The following RNLS variants were observed in gnomAD, a reference collection of about 807,000 sequenced individuals.
RNLS encodes the protein renalase.
In RNLS, 39 loss-of-function variants were observed where a neutral mutation model predicts 39.8. The observed-to-expected ratio is 0.98, with a 90% CI of 0.76 to 1.28. The LOEUF (loss-of-function observed/expected upper bound fraction) is 1.28. Among genes scored for constraint, RNLS ranks in the 50% most tolerant of loss-of-function variants. The probability of loss-of-function intolerance (pLI) is 0.00; values close to 1 mark genes in which losing one functional copy is unlikely to be tolerated. For missense variants in RNLS, 410 were observed against 413.3 expected, an observed-to-expected ratio of 0.99 and a Z score of 0.07; for synonymous variants, 147 against 150.7, an observed-to-expected ratio of 0.98 and a Z score of 0.18.
intron 4 of RNLS, among the ~76,000 whole-genome samples, chr10:88,396,718 A>C (rs994414327): frequency 1.4e-5 from 2 of 144,372 alleles, no homozygotes; most frequent in Admixed American, 7.0e-5. Flanking sequence ...AAAAAAAAAA[A>C]CCTGATCCAA....
chr10:88,552,262 C>G (rs970210523), intron 4 of RNLS, among the ~76,000 whole-genome samples: 5 of 152,026 alleles, frequency 3.3e-5, no homozygotes, highest in Admixed American at 3.3e-4. Context: ...CAGAGGCTGC[C>G]CTAAAGCCAA....
intron 3 of RNLS, among the ~76,000 whole-genome samples, chr10:88,580,255 A>G (rs974072780): frequency 3.9e-5 from 6 of 152,030 alleles, no homozygotes; most frequent in Admixed American, 6.6e-5. Context: ...CACATACCCT[A>G]TTGGTTCTGT....
the RNLS span, among the ~76,000 whole-genome samples, chr10:88,231,639 T>C: frequency 6.6e-6 from 1 of 152,134 alleles, no homozygotes; most frequent in East Asian, 1.9e-4. Context: ...AAGGTGACCT[T>C]TGGGGACAGA....
chr10:88,388,020 T>C (rs1235403143), intron 4 of RNLS, among the ~76,000 whole-genome samples: 5 of 152,282 alleles, frequency 3.3e-5, no homozygotes, highest in African/African-American at 1.2e-4. Context: ...CTGAATATAT[T>C]TCCCTGGGGT....
In RNLS at chr10:88,285,174, A is replaced by C; in HGVS notation, c.*180T>G. 7.7e-7 allele frequency: 1 copy of C among 1,303,538 alleles called. No homozygotes were observed. Among genetic ancestry groups the C allele is most frequent in the Non-Finnish European group, 9.7e-7 (1 of 1,025,856 alleles). The allele number at this position is 1,303,538 out of a possible 1,614,324, so 80.7% of individuals were successfully genotyped here. ...GCAAGGTGTGAGGAATTTCCATTCTAGCATGGGTTGTAACTATCAAAATTA... is the reference window on the plus strand; with the variant it reads ...GCAAGGTGTGAGGAATTTCCATTCTCGCATGGGTTGTAACTATCAAAATTA... On this transcript the variant is annotated 3_prime_UTR_variant, in exon 7 of 7. Coordinates refer to ENST00000331772, the MANE Select transcript of RNLS (RefSeq NM_001031709.3).
intron 3 of RNLS, among the ~76,000 whole-genome samples, chr10:88,575,159 T>TATATATATAC (rs1386414416): frequency 6.9e-5 from 3 of 43,388 alleles, no homozygotes; most frequent in Non-Finnish European, 1.3e-4. Context: ...TATATATATA[T>TATATATATAC]ACACACACAC....
intron 4 of RNLS, among the ~76,000 whole-genome samples, chr10:88,556,997 C>T (rs994012916): frequency 6.6e-6 from 1 of 151,900 alleles, no homozygotes; most frequent in Non-Finnish European, 1.5e-5. Flanking sequence ...CACTGCTGTA[C>T]CCAGGGTGTC....
chr10:88,338,018 ACTT>A (rs1015840392), intron 5 of RNLS, among the ~76,000 whole-genome samples: 93 of 152,286 alleles, frequency 6.1e-4, no homozygotes, highest in African/African-American at 2.1e-3. Context: ...TACTGGAAAC[ACTT>A]CTTCTGGGCC....
At chr10:88,211,311 A>T in the RNLS span, among the ~76,000 whole-genome samples, 3,016 of 152,294 alleles carry the variant, frequency 0.02, 73 homozygotes, top group African/African-American at 0.064. Flanking sequence ...ACAAAACTTT[A>T]CTGAATATCT....
At chr10:88,282,154 T>G (rs1425329789), downstream of RNLS, among the ~76,000 whole-genome samples, 2 of 152,160 alleles carry the variant, frequency 1.3e-5, no homozygotes, top group African/African-American at 4.8e-5. Context: ...ACAGAGACTT[T>G]ATCCCATATT....
intron 4 of RNLS, among the ~76,000 whole-genome samples, chr10:88,490,150 A>G (rs2437874): frequency 0.46 from 70,376 of 152,006 alleles, 17,012 homozygotes; most frequent in East Asian, 0.54. Context: ...ACATAATTTA[A>G]GCTGATTTTA....
Position 88,458,947 on chromosome 10 carries a change from G to GGAAA in RNLS, c.527-96226_527-96223dup, listed in dbSNP as rs764867150. 3.3e-5 allele frequency among the ~76,000 whole-genome samples: 5 copies of GGAAA among 152,164 alleles called. No homozygotes were observed. The East Asian group carries it at 9.7e-4, about 29-fold the overall frequency. ...TTCAAGTGGAAAAGGAAGAAAGGAA[G>GGAAA]GAAAGAAAGAAGGGCAGACTACCTG... On this transcript the variant is annotated intron_variant, in intron 4 of 6. Transcript: ENST00000331772.
the RNLS span, among the ~76,000 whole-genome samples, chr10:88,186,549 G>A: frequency 6.6e-6 from 1 of 152,136 alleles, no homozygotes; most frequent in Admixed American, 6.6e-5. Context: ...CTTGGGAGCT[G>A]GAAGGGAACC....
chr10:88,429,423 T>C (rs1030398050), intron 4 of RNLS, among the ~76,000 whole-genome samples: 3 of 151,960 alleles, frequency 2.0e-5, no homozygotes, highest in Non-Finnish European at 4.4e-5. Context: ...AAATTTTAGT[T>C]TCCTGAACAG....
At chr10:88,469,856 TGTG>T (rs1843417124) in intron 4 of RNLS, among the ~76,000 whole-genome samples, 5 of 150,680 alleles carry the variant, frequency 3.3e-5, no homozygotes, top group Non-Finnish European at 7.4e-5. Flanking sequence ...TGTGTGTGTG[TGTG>T]TGCTTTGCTC....
intron 5 of RNLS, among the ~76,000 whole-genome samples, chr10:88,332,377 A>G (rs946780482): frequency 6.6e-6 from 1 of 152,278 alleles, no homozygotes; most frequent in African/African-American, 2.4e-5. Flanking sequence ...CGGAGAAAAG[A>G]TGGTTTTACT....
intron 4 of RNLS, among the ~76,000 whole-genome samples, chr10:88,514,407 A>G (rs1016599286): frequency 1.3e-5 from 2 of 152,046 alleles, no homozygotes; most frequent in African/African-American, 4.8e-5. Flanking sequence ...TTGAAATGAG[A>G]TTTGGGTGGG....
chr10:88,425,902 AG>A (rs1427307501), intron 4 of RNLS, among the ~76,000 whole-genome samples: 2 of 152,032 alleles, frequency 1.3e-5, no homozygotes, highest in South Asian at 4.1e-4. Context: ...TGTTTGGAGT[AG>A]GGGGTCAATG....
At chr10:88,505,500 AAGT>A (rs1845740075) in intron 4 of RNLS, among the ~76,000 whole-genome samples, 1 of 151,786 alleles carries the variant, frequency 6.6e-6, no homozygotes, top group South Asian at 2.1e-4. Flanking sequence ...GGAGGCAAGA[AAGT>A]AGGGGAGAGA....
Sources: gnomAD v4.1 joint callset for allele counts (sites outside exome capture counted in the v4.1 genomes callset) on GRCh38, gnomAD v4.1.1 for gene constraint, MANE v1.5 for transcripts, NCBI Gene and HGNC (gene_info 2026-07-23, HGNC 2026-07-21) for gene names.